CEP250: variants seen among roughly 807,000 people sequenced by gnomAD.
CEP250 encodes centrosomal protein 250.
In CEP250, 242 loss-of-function variants were observed where a neutral mutation model predicts 315.7. The observed-to-expected ratio is 0.77, with a 90% confidence interval of 0.69 to 0.85. The LOEUF is 0.85. CEP250 is among the 40% of genes least tolerant of loss of function. CEP250 has a pLI of 0.00. For synonymous variants in CEP250, 1,088 were observed against 1,175.0 expected, an observed-to-expected ratio of 0.93 and a Z score of 1.51; for missense variants, 2,515 against 2,886.4, an observed-to-expected ratio of 0.87 and a Z score of 2.95.
rs1217354782 is a variant in CEP250 at position 35,510,022 on chromosome 20, G to A, written c.7033G>A (p.Asp2345Asn). 2.1e-5 allele frequency: 34 copies of A among 1,614,244 alleles called. No individual in the cohort carries two copies. The highest frequency in any genetic ancestry group is 2.9e-5 in the Non-Finnish European group (34 of 1,180,040). ...GGATGGGAGAGGACAGAAGAACTCA[G>A]ATGCCAAGTGTGTGGCTGAACTGCA... ...QQDGRGQKNS[D>N]AKCVAELQKE... Residue 2345 changes from aspartate (D) to asparagine (N), a missense_variant, in exon 34 of 35, where the codon GAT becomes AAT. Transcript: ENST00000397527.
Position 35,479,436 on chromosome 20 carries a change from A to G in CEP250, c.2288+12A>G. ...CTACAGGGGCTCAGGTAGGGCCCAG[A>G]CTCAGTTCAGCCAAGCACAGAGAGA... On this transcript the variant is annotated intron_variant, in intron 18 of 34. Coordinates refer to ENST00000397527, the MANE Select transcript of CEP250 (RefSeq NM_007186.6). The G allele has an allele frequency of 6.2e-7, 1 of 1,608,850 alleles. No homozygotes were observed. Among genetic ancestry groups the G allele is most frequent in the Non-Finnish European group, 8.5e-7 (1 of 1,177,808 alleles).
chr20:35,455,227 A>T (rs1259656794), upstream of CEP250: 1 of 152,186 alleles, frequency 6.6e-6, no homozygotes, highest in Non-Finnish European at 1.5e-5. Flanking sequence ...CGTCTGCGGG[A>T]GCCGAGCGTG....
chr20:35,505,157 G>A (rs1396364948), intron 30 of CEP250, 152 bp downstream of exon 30: 1 of 659,240 alleles, frequency 1.5e-6, no homozygotes, highest in Non-Finnish European at 2.6e-6. Context: ...TCAGGCTACT[G>A]TGCTAGTCGG....
intron 17 of CEP250, among the ~76,000 whole-genome samples, chr20:35,478,337 C>T (rs371226455): frequency 2.5e-4 from 38 of 152,222 alleles, no homozygotes; most frequent in African/African-American, 4.8e-4. Context: ...GAGGCCGAGG[C>T]GGGCGGATCA....
Position 35,503,715 on chromosome 20 carries a change from C to G in CEP250, c.5346C>G (p.Val1782=). ...LLSQREQEIV[V]LQQQLQEARE... is the part of the protein sequence containing the mutation. ...CCCAGCGAGAGCAGGAAATAGTGGT[C>G]CTGCAGCAGCAACTGCAGGAAGCCA... The change falls in exon 30 of 35, where the codon GTC becomes GTG. Residue 1782 remains valine, a synonymous_variant. Coordinates refer to ENST00000397527, the MANE Select transcript of CEP250 (RefSeq NM_007186.6). The surrounding 1 kb of genome is among the most constrained non-coding windows in gnomAD (Gnocchi z 4.2). The G allele has an allele frequency of 6.2e-7, 1 of 1,614,054 alleles. No homozygotes were observed. Among genetic ancestry groups the G allele is most frequent in the Non-Finnish European group, 8.5e-7 (1 of 1,180,028 alleles).
Position 35,494,509 on chromosome 20 carries a change from C to A in CEP250, c.3034-15C>A. The stretch of plus-strand genomic sequence containing the variant: ...CTGCCCTGCCATCTTGGTCTTCATG[C>A]CCTTAATTTTCCAGGTGGAGGACTT... On this transcript the variant is annotated splice_polypyrimidine_tract_variant and intron_variant, in intron 23 of 34. Transcript: ENST00000397527. 1.2e-6 allele frequency: 2 copies of A among 1,613,236 alleles called. No homozygotes were observed. Among genetic ancestry groups the A allele is most frequent in the Non-Finnish European group, 1.7e-6 (2 of 1,179,914 alleles).
At position 35,462,415 on chromosome 20, in the gene CEP250, G is replaced by A; in HGVS notation, c.48G>A (p.Leu16=). ...TGAACAACATGAAGCCCCAGTCACT[G>A]CAGCTGGTACTGGAAGAGCAGGTGC... The part of the protein sequence containing the change: ...PGLNNMKPQS[L]QLVLEEQVLA... Residue 16 remains leucine (L), a synonymous_variant, in exon 4 of 35, where the codon CTG becomes CTA. Coordinates refer to ENST00000397527, the MANE Select transcript of CEP250 (RefSeq NM_007186.6). The A allele has an allele frequency of 6.2e-7, 1 of 1,600,048 alleles. No homozygotes were observed. The highest frequency in any genetic ancestry group is 8.5e-7 in the Non-Finnish European group (1 of 1,173,054).
chr20:35,469,148 A>G (rs2062964027), intron 9 of CEP250, among the ~76,000 whole-genome samples: 1 of 152,166 alleles, frequency 6.6e-6, no homozygotes. Context: ...TGTCTCTACT[A>G]AAAGTAAAAA....
rs2147275164 is a variant in CEP250, at chr20:35,518,964, C to CAG, written c.*7341_*7342dup. On this transcript the variant is annotated 3_prime_UTR_variant, in exon 35 of 35. Transcript: ENST00000397527. ...AGGAGAATTGCTTGAACCCAGGAGG[C>CAG]AGAGGTTGCAGTGAGCTGAGATCGC... 6.6e-6 allele frequency: 1 copy of CAG among 151,200 alleles called. No individual in the cohort carries two copies. Among genetic ancestry groups the CAG allele is most frequent in the African/African-American group, 2.4e-5 (1 of 41,122 alleles). The allele number at this position is 151,200 out of a possible 1,614,324, so 9.4% of individuals were successfully genotyped here.
At chr20:35,505,928 C>T (rs6060442) in intron 30 of CEP250, among the ~76,000 whole-genome samples, 48,660 of 151,898 alleles carry the variant, frequency 0.32, 8,675 homozygotes, top group South Asian at 0.5. Context: ...ATCAGACATA[C>T]AGCTCACAAA....
intron 3 of CEP250, 129 bp from the exon 4 acceptor site, chr20:35,462,136 T>G: frequency 2.8e-6 from 1 of 354,068 alleles, no homozygotes; most frequent in Non-Finnish European, 5.1e-6. Flanking sequence ...CAGTTAAATT[T>G]GGGGAATGAT....
intron 17 of CEP250, among the ~76,000 whole-genome samples, chr20:35,478,591 C>G (rs1046087174): frequency 2.0e-5 from 3 of 152,158 alleles, no homozygotes; most frequent in African/African-American, 4.8e-5. Context: ...TTCACTGATT[C>G]TCCACTACTT....
At chr20:35,495,687 T>C (rs1601263117) in intron 24 of CEP250, among the ~76,000 whole-genome samples, 1 of 151,806 alleles carries the variant, frequency 6.6e-6, no homozygotes, top group Admixed American at 6.6e-5. Context: ...GAGGTGGAGG[T>C]TGCAGTGAGC....
At position 35,502,977 on chromosome 20, in the gene CEP250, A is replaced by ATTG; in HGVS notation, c.4608_4609insTTG (p.Gln1536_Met1537insLeu). ...TTCTAGAACTTGAGAAGAAAGACCA[A>ATTG]ATGATTGAGTCCCAGAGAGGACAGG... On this transcript the variant is annotated inframe_insertion, in exon 30 of 35. Transcript: ENST00000397527. 1 of 1,614,178 alleles carries ATTG rather than the reference A, an allele frequency of 6.2e-7. No individual in the cohort carries two copies. Among genetic ancestry groups the ATTG allele is most frequent in the Non-Finnish European group, 8.5e-7 (1 of 1,180,022 alleles).
At chr20:35,477,545 T>C (rs1225833210) in intron 16 of CEP250, among the ~76,000 whole-genome samples, 1 of 152,270 alleles carries the variant, frequency 6.6e-6, no homozygotes, top group Non-Finnish European at 1.5e-5. Flanking sequence ...GAATCTTTTC[T>C]ATAGGTTATA....
At position 35,502,807 on chromosome 20, in the gene CEP250, C is replaced by A. The variant is rs200729972; in HGVS notation, c.4438C>A (p.Gln1480Lys). The change falls in exon 30 of 35, where the codon CAG (glutamine) becomes AAG (lysine). Residue 1480 changes from glutamine (Q) to lysine (K), a missense_variant. Gln to Lys is a moderately conservative substitution (Grantham distance 53). Transcript: ENST00000397527. Reference sequence around the variant, plus strand: ...GGTAGATCTGCAGCAAGAACAGATTCAGGAGCTAGAGAAGTGTAGGTCTGT... The same window carrying A: ...GGTAGATCTGCAGCAAGAACAGATTAAGGAGCTAGAGAAGTGTAGGTCTGT... ...QEVDLQQEQIQELEKCRSVLE... is the reference protein window; with the variant it reads ...QEVDLQQEQIKELEKCRSVLE... The A allele has an allele frequency of 3.1e-6, 5 of 1,614,200 alleles. No homozygotes were observed. The African/African-American group carries it at 6.7e-5, about 22-fold the overall frequency.
At chr20:35,495,405 G>A (rs1223794929) in intron 24 of CEP250, among the ~76,000 whole-genome samples, 3 of 152,218 alleles carry the variant, frequency 2.0e-5, no homozygotes, top group South Asian at 4.1e-4. Flanking sequence ...TGAGACATCA[G>A]GAGTGAAAGA....
In CEP250 at chr20:35,511,945, C is replaced by A; in HGVS notation, c.*319C>A. ...TCACCACCTCCTTCATCTTCTCCTT[C>A]AACAATAAACCCTGGGATCTTTGCA... On this transcript the variant is annotated 3_prime_UTR_variant, in exon 35 of 35. Transcript: ENST00000397527. 8.7e-7 allele frequency: 1 copy of A among 1,152,402 alleles called. No individual in the cohort carries two copies. Among genetic ancestry groups the A allele is most frequent in the Non-Finnish European group, 1.1e-6 (1 of 936,158 alleles). 71.4% of individuals were successfully genotyped at this position (1,152,402 alleles called of 1,614,324 possible).
At chr20:35,482,021 A>G (rs1167561769) in intron 20 of CEP250, among the ~76,000 whole-genome samples, 1 of 151,714 alleles carries the variant, frequency 6.6e-6, no homozygotes, top group East Asian at 2.0e-4. Context: ...CTTGAAAGAT[A>G]GTTTCTGGCT....
Sources: allele counts gnomAD v4.1 joint callset (sites outside exome capture counted in the v4.1 genomes callset), GRCh38; gene constraint gnomAD v4.1.1; non-coding constraint Gnocchi (gnomAD v3.1); transcripts MANE v1.5; gene names NCBI Gene and HGNC (gene_info 2026-07-23, HGNC 2026-07-21).